The following VTI1A variants were observed in gnomAD, a reference collection of about 807,000 sequenced individuals.
VTI1A encodes the protein vesicle transport through interaction with t-SNAREs homolog 1A.
In VTI1A, 22 loss-of-function variants were observed where a neutral mutation model predicts 34.9. The ratio of observed to expected loss-of-function variants is 0.63; its 90% CI spans 0.45 to 0.90. The LOEUF (loss-of-function observed/expected upper bound fraction) is 0.90, where lower values mean the gene tolerates loss of function less well. Among genes scored for constraint, VTI1A ranks in the 40% least tolerant of loss-of-function variants. VTI1A has a pLI of 0.00. For synonymous variants in VTI1A, 87 were observed against 97.3 expected, an observed-to-expected ratio of 0.89 and a Z score of 0.62; for missense variants, 268 against 275.6, an observed-to-expected ratio of 0.97 and a Z score of 0.20.
At chr10:112,844,087 A>T in the VTI1A span, among the ~76,000 whole-genome samples, 1 of 152,068 alleles carries the variant, frequency 6.6e-6, no homozygotes, top group African/African-American at 2.4e-5. Flanking sequence ...TTGGCTTAAG[A>T]TGTCATCTGA....
intron 3 of VTI1A, among the ~76,000 whole-genome samples, chr10:112,526,006 T>C (rs1850210620): frequency 6.6e-6 from 1 of 152,230 alleles, no homozygotes; most frequent in African/African-American, 2.4e-5. Context: ...TCCCAAACTC[T>C]AGACCCCCAA....
intron 5 of VTI1A, among the ~76,000 whole-genome samples, chr10:112,551,013 G>A (rs1174863590): frequency 2.6e-5 from 4 of 152,104 alleles, no homozygotes; most frequent in Non-Finnish European, 4.4e-5. Flanking sequence ...GGAGGCCAAG[G>A]CGGGCGGATC....
intron 5 of VTI1A, among the ~76,000 whole-genome samples, chr10:112,603,570 A>G (rs1043702796): frequency 6.6e-6 from 1 of 152,124 alleles, no homozygotes; most frequent in South Asian, 2.1e-4. Context: ...CCTCATAGGA[A>G]CTAAATACTG....
At chr10:112,591,882 T>C (rs565440100) in intron 5 of VTI1A, among the ~76,000 whole-genome samples, 16 of 152,330 alleles carry the variant, frequency 1.1e-4, no homozygotes, top group African/African-American at 3.8e-4. Flanking sequence ...AATTAACCAG[T>C]GGGCCTAATC....
intron 7 of VTI1A, among the ~76,000 whole-genome samples, chr10:112,791,625 A>G (rs1852480949): frequency 6.6e-6 from 1 of 152,146 alleles, no homozygotes. Context: ...GTTAGCTGCC[A>G]AATAAAAAAT....
intron 5 of VTI1A, among the ~76,000 whole-genome samples, chr10:112,629,957 TA>T (rs1213104294): frequency 2.0e-5 from 3 of 152,118 alleles, no homozygotes; most frequent in Middle Eastern, 3.4e-3. Flanking sequence ...TTTCAGTATT[TA>T]AAAAAAATAT....
At chr10:112,800,529 C>T (rs775979506) in intron 7 of VTI1A, among the ~76,000 whole-genome samples, 8 of 152,200 alleles carry the variant, frequency 5.3e-5, no homozygotes, top group Non-Finnish European at 1.2e-4. Flanking sequence ...ATTTATTGAG[C>T]AACTACCATT....
At chr10:112,828,831 G>A in the VTI1A span, among the ~76,000 whole-genome samples, 2 of 150,042 alleles carry the variant, frequency 1.3e-5, no homozygotes, top group East Asian at 4.0e-4. Flanking sequence ...GAGCAACATA[G>A]TGAGACCTGG....
In VTI1A at chr10:112,527,977, A is replaced by C. The variant is rs114254704; in HGVS notation, c.342+813A>C. Among the ~76,000 whole-genome samples the C allele has an allele frequency of 8.0e-3, 1,221 of 152,218 alleles. 17 individuals are homozygous for C. Among genetic ancestry groups the C allele is most frequent in the African/African-American group, 0.027 (1,142 of 41,548 alleles). On this transcript the variant is annotated intron_variant, in intron 4 of 7. Coordinates refer to ENST00000393077, the MANE Select transcript of VTI1A (RefSeq NM_145206.4). The stretch of plus-strand genomic sequence containing the variant: ...GAACCTCATTGTAGAAATGACTTTA[A>C]AAATGCCTCAAAAAAGCCCTAATGA...
chr10:112,781,995 C>G (rs934368565), intron 7 of VTI1A, among the ~76,000 whole-genome samples: 3 of 152,230 alleles, frequency 2.0e-5, no homozygotes, highest in African/African-American at 7.2e-5. Context: ...TCCAGCATCT[C>G]CTTTCCTAGA....
chr10:112,696,057 G>T (rs6585172), intron 7 of VTI1A, among the ~76,000 whole-genome samples: 35,433 of 150,804 alleles, frequency 0.23, 9,546 homozygotes, highest in African/African-American at 0.66. Flanking sequence ...TTACTGAGTA[G>T]GCCATCTCTA....
intron 3 of VTI1A, among the ~76,000 whole-genome samples, chr10:112,511,795 A>T (rs1209756103): frequency 6.6e-6 from 1 of 152,126 alleles, no homozygotes; most frequent in Non-Finnish European, 1.5e-5. Flanking sequence ...TTTAGTTCCC[A>T]CATATAAGTG....
intron 7 of VTI1A, among the ~76,000 whole-genome samples, chr10:112,748,355 A>G (rs1476745798): frequency 3.9e-5 from 6 of 152,070 alleles, no homozygotes; most frequent in African/African-American, 1.4e-4. Context: ...TTCAGTGTAG[A>G]ACACTAAAAA....
At position 112,630,387 on chromosome 10, in the gene VTI1A, C is replaced by A. The variant is rs551284457; in HGVS notation, c.428-37831C>A. Reference sequence around the variant, plus strand: ...TCTGAGGAAATTTTAGGTATGCTCTCCAGGAAAATATTACACTTGGGGGTG... The same window carrying A: ...TCTGAGGAAATTTTAGGTATGCTCTACAGGAAAATATTACACTTGGGGGTG... On this transcript the variant is annotated intron_variant, in intron 5 of 7. Coordinates refer to ENST00000393077, the MANE Select transcript of VTI1A (RefSeq NM_145206.4). Among the ~76,000 whole-genome samples, 4 of 152,228 alleles carry A rather than the reference C, an allele frequency of 2.6e-5. No individual in the cohort carries two copies. In the South Asian group the frequency reaches 8.3e-4, roughly 32 times the overall value.
intron 5 of VTI1A, among the ~76,000 whole-genome samples, chr10:112,544,375 A>G (rs1036214058): frequency 3.3e-5 from 5 of 152,172 alleles, no homozygotes; most frequent in African/African-American, 7.2e-5. Flanking sequence ...GATTACAGGC[A>G]TCCACCACCA....
intron 3 of VTI1A, among the ~76,000 whole-genome samples, chr10:112,475,071 A>G (rs1433799202): frequency 6.6e-6 from 1 of 152,214 alleles, no homozygotes; most frequent in Non-Finnish European, 1.5e-5. Context: ...GACCCTTCTC[A>G]TCATGTACAC....
At chr10:112,481,385 A>T (rs1463353429) in intron 3 of VTI1A, among the ~76,000 whole-genome samples, 3 of 152,204 alleles carry the variant, frequency 2.0e-5, no homozygotes, top group African/African-American at 7.2e-5. Flanking sequence ...ACAAATCCTC[A>T]GTCTTTGATA....
chr10:112,553,078 T>C (rs1031385295), intron 5 of VTI1A, among the ~76,000 whole-genome samples: 5 of 152,224 alleles, frequency 3.3e-5, no homozygotes, highest in Non-Finnish European at 7.3e-5. Flanking sequence ...GGACTTTGTG[T>C]CTTCTACATA....
At chr10:112,834,927 C>G in the VTI1A span, among the ~76,000 whole-genome samples, 1 of 152,190 alleles carries the variant, frequency 6.6e-6, no homozygotes, top group Non-Finnish European at 1.5e-5. Flanking sequence ...CTGGAGTGGC[C>G]CTCCCTGCCA....
Sources: gnomAD v4.1 joint callset for allele counts (sites outside exome capture counted in the v4.1 genomes callset) on GRCh38, gnomAD v4.1.1 for gene constraint, MANE v1.5 for transcripts, NCBI Gene and HGNC (gene_info 2026-07-23, HGNC 2026-07-21) for gene names.